Variants in MME observed in about 807,000 individuals in gnomAD.
MME encodes neprilysin.
Under a neutral mutation model 113.2 loss-of-function variants are expected in MME, and 98 were observed. The ratio of observed to expected loss-of-function variants is 0.87; its 90% CI spans 0.74 to 1.02. The LOEUF (loss-of-function observed/expected upper bound fraction) is 1.02, where lower values mean the gene tolerates loss of function less well. Ranked by LOEUF, MME falls within the 50% of genes least tolerant of loss-of-function variation. The pLI is 0.00. For synonymous variants in MME, 292 were observed against 300.6 expected (o/e 0.97, Z 0.30); for missense variants, 836 against 896.0 (o/e 0.93, Z 0.86).
At chr3:155,043,336 CTT>C (rs765866930) in intron 1 of MME, among the ~76,000 whole-genome samples, 2 of 143,632 alleles carry the variant, frequency 1.4e-5, no homozygotes, top group Admixed American at 7.0e-5. Flanking sequence ...TTCTTTCTTT[CTT>C]TTTTTTTTTT....
At position 155,116,663 on chromosome 3, in the gene MME, G is replaced by C. The variant is rs781368086; in HGVS notation, c.440-1G>C. 3 of 1,609,248 alleles carry C rather than the reference G, an allele frequency of 1.9e-6. No homozygotes were observed. Among genetic ancestry groups the C allele is most frequent in the African/African-American group, 2.7e-5 (2 of 74,660 alleles). On this transcript the variant is annotated splice_acceptor_variant, in intron 5 of 22. Coordinates refer to ENST00000360490, the MANE Select transcript of MME (RefSeq NM_007289.4). LOFTEE classifies it high-confidence loss of function. ...GAATTTATGTTTGTTGTTTCCAAAA[G>C]CTGCTATTGATAGCAGAGGTGGAGA...
chr3:155,084,045 A>G (rs1355697488), intron 1 of MME, 113 bp from the exon 2 acceptor site: 1 of 1,019,944 alleles, frequency 9.8e-7, no homozygotes, highest in African/African-American at 1.6e-5. Context: ...GCAAAAATGT[A>G]TTTCTATTTT....
At chr3:155,035,292 A>G (rs894511896) in intron 1 of MME, among the ~76,000 whole-genome samples, 3 of 148,494 alleles carry the variant, frequency 2.0e-5, no homozygotes, top group Non-Finnish European at 3.0e-5. Context: ...TAATGTACTT[A>G]CCTATAAAGC....
intron 3 of MME, among the ~76,000 whole-genome samples, chr3:155,089,267 T>A (rs1017341314): frequency 5.9e-5 from 9 of 152,218 alleles, no homozygotes; most frequent in Admixed American, 3.3e-4. Flanking sequence ...ATAAAACTTG[T>A]ATGTGATTTT....
At chr3:155,127,965 A>G (rs1429762156) in intron 8 of MME, among the ~76,000 whole-genome samples, 1 of 152,198 alleles carries the variant, frequency 6.6e-6, no homozygotes, top group Non-Finnish European at 1.5e-5. Flanking sequence ...GGTGCTCTTC[A>G]ACGATCTGAA....
intron 1 of MME, among the ~76,000 whole-genome samples, chr3:155,082,609 A>G (rs1715251898): frequency 6.6e-6 from 1 of 152,214 alleles, no homozygotes; most frequent in Admixed American, 6.5e-5. Flanking sequence ...ATTCAGGTAC[A>G]TTACATTCCA....
intron 1 of MME, among the ~76,000 whole-genome samples, chr3:155,040,486 C>T (rs1713271669): frequency 6.6e-6 from 1 of 151,582 alleles, no homozygotes; most frequent in Non-Finnish European, 1.5e-5. Context: ...AATACACGCA[C>T]ATATATATAA....
At chr3:155,074,737 A>G (rs1414041785), upstream of MME, among the ~76,000 whole-genome samples, 1 of 151,914 alleles carries the variant, frequency 6.6e-6, no homozygotes, top group East Asian at 1.9e-4. Context: ...TGGCCAATTT[A>G]TGTGTTATTT....
intron 16 of MME, among the ~76,000 whole-genome samples, chr3:155,154,631 C>A (rs2108338805): frequency 6.6e-6 from 1 of 152,266 alleles, no homozygotes; most frequent in East Asian, 1.9e-4. Context: ...CAGAGAAGTA[C>A]CTCGCTTCTT....
rs1156450496 is a variant in MME at position 155,183,136 on chromosome 3, T to TGTTC, written c.*2679_*2682dup. Reference sequence around the variant, plus strand: ...CAAGGAGTCTGCCTCCATGCTGCAGTGTTCGAGTGGATTGTAGGTGCAAGA... The same window carrying TGTTC: ...CAAGGAGTCTGCCTCCATGCTGCAGTGTTCGTTCGAGTGGATTGTAGGTGCAAGA... On this transcript the variant is annotated 3_prime_UTR_variant, in exon 23 of 23. Coordinates refer to ENST00000360490, the MANE Select transcript of MME (RefSeq NM_007289.4). 1 of 152,184 alleles carries TGTTC rather than the reference T, an allele frequency of 6.6e-6. No homozygotes were observed. Among genetic ancestry groups the TGTTC allele is most frequent in the Non-Finnish European group, 1.5e-5 (1 of 68,054 alleles). The allele number at this position is 152,184 out of a possible 1,614,324, so 9.4% of individuals were successfully genotyped here.
chr3:155,057,826 G>A (rs556474979), intron 1 of MME, among the ~76,000 whole-genome samples: 11 of 152,052 alleles, frequency 7.2e-5, no homozygotes, highest in Middle Eastern at 3.4e-3. Context: ...ATGAATGGAG[G>A]AGGAAATCTT....
intron 1 of MME, among the ~76,000 whole-genome samples, chr3:155,048,909 T>G (rs947858648): frequency 3.3e-5 from 5 of 152,156 alleles, no homozygotes; most frequent in African/African-American, 1.2e-4. Flanking sequence ...TCTCTGTCCC[T>G]TTCATATCAA....
chr3:155,078,651 G>A (rs573761901), upstream of MME, among the ~76,000 whole-genome samples: 140 of 137,006 alleles, frequency 1.0e-3, no homozygotes, highest in African/African-American at 3.8e-3. Flanking sequence ...GTGTGAATAT[G>A]TGTGTGTATG....
At chr3:155,086,356 A>G (rs181789176) in intron 3 of MME, among the ~76,000 whole-genome samples, 1 of 152,318 alleles carries the variant, frequency 6.6e-6, no homozygotes, top group Admixed American at 6.5e-5. Context: ...GTCTAAGATG[A>G]AAATAGACAG....
At chr3:155,117,594 TTTTTG>T (rs1296620328) in intron 7 of MME, among the ~76,000 whole-genome samples, 52 of 100,404 alleles carry the variant, frequency 5.2e-4, no homozygotes, top group South Asian at 4.7e-3. Flanking sequence ...TTCCTTTTTT[TTTTTG>T]TTTTTTTTTT....
rs186559322 is a variant in MME at position 155,032,155 on chromosome 3, T to C, written c.-11+7831T>C. Among the ~76,000 whole-genome samples, 296 of 152,286 alleles carry C rather than the reference T, an allele frequency of 1.9e-3. 1 individual carries two copies. Among genetic ancestry groups the C allele is most frequent in the Admixed American group, 3.7e-3 (57 of 15,294 alleles). ...TAAAGATAGATCTCTCCTTTAGAGG[T>C]ACGATAGTCCATAATTTAGATTTTC... On this transcript the variant is annotated intron_variant, in intron 1 of 22. Coordinates refer to the MME transcript ENST00000492661.
chr3:155,093,063 A>G (rs1716429348), intron 3 of MME, among the ~76,000 whole-genome samples: 1 of 151,852 alleles, frequency 6.6e-6, no homozygotes, highest in Non-Finnish European at 1.5e-5. Context: ...AAAAAAAAAA[A>G]AGCAAACAAA....
chr3:155,039,975 A>G (rs1458806815), intron 1 of MME, among the ~76,000 whole-genome samples: 1 of 152,200 alleles, frequency 6.6e-6, no homozygotes. Context: ...AATAAAAGTC[A>G]GGGGAATATA....
At chr3:155,052,666 C>T (rs749467724) in intron 1 of MME, among the ~76,000 whole-genome samples, 33 of 152,320 alleles carry the variant, frequency 2.2e-4, no homozygotes, top group Middle Eastern at 3.4e-3. Flanking sequence ...CCATTTTTTC[C>T]TCCTAGGCCT....
Sources: allele counts gnomAD v4.1 joint callset (sites outside exome capture counted in the v4.1 genomes callset), GRCh38; gene constraint gnomAD v4.1.1; transcripts MANE v1.5; gene names NCBI Gene and HGNC (gene_info 2026-07-23, HGNC 2026-07-21).